The following ROS1 variants were observed in gnomAD, a reference collection of about 807,000 sequenced individuals.
The protein encoded by ROS1 is proto-oncogene tyrosine-protein kinase ROS.
Under a neutral mutation model 273.5 loss-of-function variants are expected in ROS1, and 263 were observed. The observed-to-expected ratio is 0.96, with a 90% confidence interval of 0.87 to 1.06. The LOEUF is 1.06. Among genes scored for constraint, ROS1 ranks in the 50% least tolerant of loss-of-function variants. ROS1 has a pLI of 0.00. For synonymous variants in ROS1, 1,008 were observed against 954.1 expected, an observed-to-expected ratio of 1.06 and a Z score of -1.04; for missense variants, 2,833 against 2,751.1, an observed-to-expected ratio of 1.03 and a Z score of -0.67.
rs1170566188 is a variant in ROS1, at chr6:117,425,613, G to A, written c.44C>T (p.Ala15Val). 6.2e-7 allele frequency: 1 copy of A among 1,612,256 alleles called. No homozygotes were observed. The highest frequency in any genetic ancestry group is 8.5e-7 in the Non-Finnish European group (1 of 1,179,342). ...YCLIPKLVNF[A>V]TLGCLWISVV... ...AGAAATCCATAGGCAGCCAAGAGTT[G>A]CAAAATTGACAAGCTTCGGAATAAG... The change falls in exon 1 of 44, where the codon GCA becomes GTA. Residue 15 changes from alanine to valine, a missense_variant. Ala to Val is a moderately conservative substitution (Grantham distance 64, BLOSUM62 0). Coordinates refer to ENST00000368507, the MANE Select transcript of ROS1 (RefSeq NM_001378902.1).
chr6:117,389,935 A>G, intron 12 of ROS1, 89 bp from the exon 13 acceptor site: 3 of 1,170,054 alleles, frequency 2.6e-6, no homozygotes, highest in African/African-American at 1.5e-5. Flanking sequence ...CTGTTGCACA[A>G]TCAGAACTAT....
In ROS1 at chr6:117,359,870, C is replaced by T. The variant is rs1779640971; in HGVS notation, c.3572G>A (p.Gly1191Glu). ...AVCYTADNEMGYYAEGDSLFL... is the reference protein window; with the variant it reads ...AVCYTADNEMEYYAEGDSLFL... ...GAGTGAGTCCCCTTCAGCATAATATCCCATCTCATTATCAGCTGTGTAGCA... is the reference window on the plus strand; with the variant it reads ...GAGTGAGTCCCCTTCAGCATAATATTCCATCTCATTATCAGCTGTGTAGCA... Residue 1191 changes from glycine (G) to glutamate (E), a missense_variant, in exon 24 of 44, where the codon GGA becomes GAA. By Grantham distance (98) the Gly-to-Glu change is moderately conservative (BLOSUM62 -2). Coordinates refer to ENST00000368507, the MANE Select transcript of ROS1 (RefSeq NM_001378902.1). 6.2e-7 allele frequency: 1 copy of T among 1,613,762 alleles called. No individual in the cohort carries two copies. Among genetic ancestry groups the T allele is most frequent in the African/African-American group, 1.3e-5 (1 of 74,876 alleles).
At chr6:117,329,595 G>C in intron 32 of ROS1, 149 bp from the exon 33 acceptor site, 1 of 563,234 alleles carries the variant, frequency 1.8e-6, no homozygotes, top group South Asian at 2.5e-5. Context: ...AAGCAACTCC[G>C]TTCAGAGGTT....
At chr6:117,367,308 AC>A (rs1477784270) in intron 18 of ROS1, among the ~76,000 whole-genome samples, 2 of 152,166 alleles carry the variant, frequency 1.3e-5, no homozygotes, top group African/African-American at 4.8e-5. Flanking sequence ...AAAAAGACAC[AC>A]CCAAAGAGCA....
At chr6:117,415,292 A>G (rs1775255201) in intron 3 of ROS1, among the ~76,000 whole-genome samples, 1 of 152,230 alleles carries the variant, frequency 6.6e-6, no homozygotes, top group African/African-American at 2.4e-5. Context: ...GCTATAATAG[A>G]ACTTTGCAAG....
At chr6:117,360,128 T>C (rs987802237) in intron 23 of ROS1, 117 bp from the exon 24 acceptor site, 1 of 821,804 alleles carries the variant, frequency 1.2e-6, no homozygotes, top group Non-Finnish European at 1.9e-6. Context: ...GTTCCTCTAA[T>C]AGATCTTTCT....
chr6:117,360,493 A>G (rs551991056), intron 22 of ROS1, 88 bp from the exon 23 acceptor site: 4 of 837,344 alleles, frequency 4.8e-6, no homozygotes, highest in East Asian at 4.9e-5. Flanking sequence ...TAAATGTTTC[A>G]TTTCATACTC....
chr6:117,405,207 C>A (rs760765050), intron 5 of ROS1, among the ~76,000 whole-genome samples: 1 of 152,166 alleles, frequency 6.6e-6, no homozygotes, highest in Non-Finnish European at 1.5e-5. Flanking sequence ...TAATTACAAA[C>A]TCCTGGGACC....
intron 43 of ROS1, among the ~76,000 whole-genome samples, chr6:117,297,979 T>C (rs1323609495): frequency 6.6e-6 from 1 of 152,164 alleles, no homozygotes; most frequent in African/African-American, 2.4e-5. Context: ...CTAGTATCTA[T>C]CTATGGATGA....
At chr6:117,332,584 C>T (rs9387465) in intron 32 of ROS1, among the ~76,000 whole-genome samples, 3,023 of 152,244 alleles carry the variant, frequency 0.02, 68 homozygotes, top group East Asian at 0.074. Flanking sequence ...AAATCTACCA[C>T]ATAATTGGAA....
At chr6:117,406,213 AAT>A (rs1256944244) in intron 5 of ROS1, among the ~76,000 whole-genome samples, 3 of 151,124 alleles carry the variant, frequency 2.0e-5, no homozygotes, top group African/African-American at 4.9e-5. Context: ...TGTATATGCA[AAT>A]ATATATGTTT....
intron 7 of ROS1, among the ~76,000 whole-genome samples, chr6:117,398,117 G>A (rs931664682): frequency 1.2e-4 from 18 of 151,918 alleles, no homozygotes; most frequent in Non-Finnish European, 2.2e-4. Flanking sequence ...ATGATAAACA[G>A]GGAAGAAATA....
At chr6:117,309,503 T>C (rs1255620024) in intron 41 of ROS1, among the ~76,000 whole-genome samples, 2 of 152,112 alleles carry the variant, frequency 1.3e-5, no homozygotes, top group Admixed American at 1.3e-4. Flanking sequence ...TGAATAAAAA[T>C]TGGCAGCACT....
intron 3 of ROS1, 42 bp downstream of exon 3, chr6:117,416,216 A>G (rs751880454): frequency 8.3e-7 from 1 of 1,199,076 alleles, no homozygotes; most frequent in South Asian, 1.2e-5. Flanking sequence ...TTCCTCTTGA[A>G]AGAAACATCA....
At chr6:117,401,818 A>AAG (rs1165757546) in intron 7 of ROS1, among the ~76,000 whole-genome samples, 3 of 151,474 alleles carry the variant, frequency 2.0e-5, no homozygotes, top group African/African-American at 7.3e-5. Flanking sequence ...AAAAAAAAAA[A>AAG]AAAAAACAGG....
chr6:117,385,948 C>A, intron 15 of ROS1, 87 bp from the exon 16 acceptor site: 1 of 1,012,606 alleles, frequency 9.9e-7, no homozygotes, highest in Non-Finnish European at 1.5e-6. Flanking sequence ...TGCACCTCAA[C>A]ATAATTTTAA....
chr6:117,369,087 T>G (rs1780513999), intron 18 of ROS1, among the ~76,000 whole-genome samples: 1 of 152,170 alleles, frequency 6.6e-6, no homozygotes, highest in South Asian at 2.1e-4. Context: ...ATTTTGATTA[T>G]ATGTTAGAAA....
intron 17 of ROS1, among the ~76,000 whole-genome samples, chr6:117,381,575 CT>C (rs1056165710): frequency 9.9e-5 from 15 of 151,876 alleles, no homozygotes; most frequent in Admixed American, 2.0e-4. Context: ...TTATTTCCTC[CT>C]TTTTTTTATG....
intron 25 of ROS1, among the ~76,000 whole-genome samples, chr6:117,357,353 G>A (rs553139372): frequency 4.6e-5 from 7 of 152,230 alleles, no homozygotes; most frequent in Admixed American, 2.0e-4. Flanking sequence ...TCCAGCCTGC[G>A]AAATTGCTAC....
Sources: gnomAD v4.1 joint callset for allele counts (sites outside exome capture counted in the v4.1 genomes callset) on GRCh38, gnomAD v4.1.1 for gene constraint, MANE v1.5 for transcripts, NCBI Gene and HGNC (gene_info 2026-07-23, HGNC 2026-07-21) for gene names.